JAK1: variants seen among roughly 807,000 people sequenced by gnomAD.
The protein encoded by JAK1 is Janus kinase 1, also known as tyrosine-protein kinase JAK1.
In JAK1, 16 loss-of-function variants were observed where a neutral mutation model predicts 136.6. The observed-to-expected ratio is 0.12, with a 90% CI of 0.08 to 0.18. The LOEUF (loss-of-function observed/expected upper bound fraction) is 0.18. JAK1 is among the 10% of genes least tolerant of loss of function. The pLI, the probability that JAK1 is intolerant of heterozygous loss-of-function variation, is 1.00. For synonymous variants in JAK1, 492 were observed against 519.5 expected, an observed-to-expected ratio of 0.95 and a Z score of 0.72; for missense variants, 859 against 1,450.1, an observed-to-expected ratio of 0.59 and a Z score of 6.62.
chr1:65,061,542 A>T, intron 1 of JAK1, among the ~76,000 whole-genome samples: 1 of 152,344 alleles, frequency 6.6e-6, no homozygotes, highest in Admixed American at 6.5e-5. Flanking sequence ...TTGGCCAAGC[A>T]GAATATTTGA....
At chr1:65,044,430 G>C (rs560025572) in intron 2 of JAK1, among the ~76,000 whole-genome samples, 2 of 152,342 alleles carry the variant, frequency 1.3e-5, no homozygotes, top group African/African-American at 4.8e-5. Context: ...AAATGAAGTT[G>C]CAAGTTTTTC....
chr1:64,897,648 A>T (rs1645043944), intron 1 of JAK1, among the ~76,000 whole-genome samples: 1 of 150,636 alleles, frequency 6.6e-6, no homozygotes, highest in South Asian at 2.1e-4. Flanking sequence ...AGAACCAAAA[A>T]AGATGAGGTA....
At chr1:64,945,179 T>C (rs938608395) in intron 1 of JAK1, among the ~76,000 whole-genome samples, 2 of 152,004 alleles carry the variant, frequency 1.3e-5, no homozygotes, top group African/African-American at 4.8e-5. Flanking sequence ...CTCTCCATGT[T>C]AACAAGATGG....
intron 2 of JAK1, among the ~76,000 whole-genome samples, chr1:65,005,656 C>T (rs1381373944): frequency 6.6e-6 from 1 of 152,034 alleles, no homozygotes; most frequent in Non-Finnish European, 1.5e-5. Flanking sequence ...ATCATTGTAT[C>T]CAATAAATAT....
At chr1:64,936,898 C>A (rs1277832155) in intron 1 of JAK1, among the ~76,000 whole-genome samples, 4 of 151,940 alleles carry the variant, frequency 2.6e-5, no homozygotes, top group African/African-American at 9.7e-5. Flanking sequence ...AATATTTGAC[C>A]ATTTTTATGT....
rs532425421 is a variant in JAK1 at position 64,932,233 on chromosome 1, C to T, written c.-78+34100G>A. ...ATTGAGACCAGCCTGGCCAACATGG[C>T]GAAACCCTGTCTCTACTAAAATTAC... On this transcript the variant is annotated intron_variant, in intron 1 of 24. Transcript: ENST00000342505. Among the ~76,000 whole-genome samples, 10 of 152,064 alleles carry T rather than the reference C, an allele frequency of 6.6e-5. No homozygotes were observed. The South Asian group carries it at 1.7e-3, about 25-fold the overall frequency.
chr1:64,966,767 T>G (rs1279029940), upstream of JAK1, among the ~76,000 whole-genome samples: 1 of 150,032 alleles, frequency 6.7e-6, no homozygotes, highest in Admixed American at 6.6e-5. Flanking sequence ...GTCCTCTAGA[T>G]TCTAGAATCT....
intron 2 of JAK1, among the ~76,000 whole-genome samples, chr1:65,001,192 G>A (rs983703874): frequency 2.0e-5 from 3 of 152,090 alleles, no homozygotes; most frequent in Non-Finnish European, 2.9e-5. Context: ...ACTTTCATTC[G>A]CCGATTTCAC....
chr1:64,907,790 C>T (rs1645215452), intron 1 of JAK1, among the ~76,000 whole-genome samples: 1 of 152,126 alleles, frequency 6.6e-6, no homozygotes, highest in Admixed American at 6.5e-5. Context: ...CAGAAGTTAC[C>T]TCCAAGTGTA....
Position 64,864,805 on chromosome 1 carries a change from C to T in JAK1, c.1158G>A (p.Lys386=), listed in dbSNP as rs541178031. The T allele has an allele frequency of 1.5e-5, 24 of 1,611,308 alleles. No homozygotes were observed. The highest frequency in any genetic ancestry group is 1.4e-5 in the Non-Finnish European group (17 of 1,179,162). ...AACTTACCATTTTCTTGTTGTCCTG[C>T]TTGTTAATGCTGACCACAGACTCCT... ...VIKESVVSIN[K]QDNKKMELKL... Residue 386 remains lysine, a synonymous_variant, in exon 8 of 25, where the codon AAG becomes AAA. Coordinates refer to ENST00000342505, the MANE Select transcript of JAK1 (RefSeq NM_002227.4).
chr1:64,982,158 T>C (rs1646554153), intron 2 of JAK1, among the ~76,000 whole-genome samples: 1 of 152,014 alleles, frequency 6.6e-6, no homozygotes, highest in South Asian at 2.1e-4. Flanking sequence ...GGAAGCAGTC[T>C]TTCTGTTGGC....
chr1:65,042,401 T>C (rs1156456862), intron 2 of JAK1, among the ~76,000 whole-genome samples: 7 of 141,986 alleles, frequency 4.9e-5, no homozygotes, highest in African/African-American at 1.7e-4. Flanking sequence ...CCAGGCACTC[T>C]TATTTAACAC....
intron 2 of JAK1, among the ~76,000 whole-genome samples, chr1:65,018,883 C>T (rs1284711569): frequency 1.3e-5 from 2 of 151,956 alleles, no homozygotes; most frequent in Non-Finnish European, 2.9e-5. Context: ...TGGTGGCGGG[C>T]GCCTGTAGTC....
In JAK1 at chr1:64,846,670, C is replaced by T. The variant is rs375353661; in HGVS notation, c.1966G>A (p.Val656Ile). The change falls in exon 14 of 25, where the codon GTC becomes ATC. Residue 656 changes from valine to isoleucine, a missense_variant. By Grantham distance (29) the Val-to-Ile change is conservative. This residue lies in a region of JAK1 where 409 missense variants were observed against 753.8 expected (regional missense o/e 0.54). Coordinates refer to ENST00000342505, the MANE Select transcript of JAK1 (RefSeq NM_002227.4). ...SHKHIVYLYGVCVRDVENIMV... is the reference protein window; with the variant it reads ...SHKHIVYLYGICVRDVENIMV... ...TTACTCTCCACGTCGCGGACACAGA[C>T]GCCATAGAGGTACACGATGTGTTTG... 5.0e-6 allele frequency: 8 copies of T among 1,614,004 alleles called. No homozygotes were observed. The highest frequency in any genetic ancestry group is 2.2e-5 in the South Asian group (2 of 91,070).
At chr1:64,838,203 C>G in intron 21 of JAK1, 99 bp from the exon 22 acceptor site, 1 of 1,250,946 alleles carries the variant, frequency 8.0e-7, no homozygotes, top group Non-Finnish European at 1.1e-6. Flanking sequence ...ATTTCATTCA[C>G]ATATCACTGA....
chr1:64,901,731 A>C (rs961677800), intron 1 of JAK1, among the ~76,000 whole-genome samples: 7 of 152,174 alleles, frequency 4.6e-5, no homozygotes, highest in African/African-American at 1.7e-4. Flanking sequence ...AAAGAGTGCA[A>C]CCATCATCAC....
At chr1:64,913,633 G>GAGAA (rs1645323921) in intron 1 of JAK1, among the ~76,000 whole-genome samples, 2 of 80,082 alleles carry the variant, frequency 2.5e-5, no homozygotes, top group Non-Finnish European at 4.6e-5. Context: ...GGGAGGGAGG[G>GAGAA]AGGAAGGGAG....
At chr1:64,953,830 C>G (rs1646135050) in intron 1 of JAK1, among the ~76,000 whole-genome samples, 1 of 151,500 alleles carries the variant, frequency 6.6e-6, no homozygotes, top group Non-Finnish European at 1.5e-5. Flanking sequence ...CAGCTAATTT[C>G]TTTTTTTCTT....
chr1:65,051,924 T>C (rs1032381014), intron 1 of JAK1, among the ~76,000 whole-genome samples: 7 of 152,158 alleles, frequency 4.6e-5, no homozygotes, highest in Non-Finnish European at 1.0e-4. Context: ...TCAGACAGCT[T>C]AAAGAACCCA....
Sources: gnomAD v4.1 joint callset for allele counts (sites outside exome capture counted in the v4.1 genomes callset) on GRCh38, gnomAD v4.1.1 for gene constraint, gnomAD v4.1.1 regional missense constraint, MANE v1.5 for transcripts, NCBI Gene and HGNC (gene_info 2026-07-23, HGNC 2026-07-21) for gene names.